ZSCAN16: variants seen among roughly 807,000 people sequenced by gnomAD.
The protein encoded by ZSCAN16 is zinc finger and SCAN domain-containing protein 16.
A neutral mutation model predicts 19.4 loss-of-function variants in ZSCAN16; 15 were observed. That is an observed-to-expected ratio of 0.77 (90% CI 0.52 to 1.19). The LOEUF is 1.19. ZSCAN16 is among the 50% of genes most tolerant of loss of function. The pLI is 0.00. For missense variants in ZSCAN16, 327 were observed against 415.7 expected (o/e 0.79, Z 1.86); for synonymous variants, 138 against 146.5 (o/e 0.94, Z 0.42).
At chr6:28,128,282 A>G (rs1404089353) in intron 3 of ZSCAN16, among the ~76,000 whole-genome samples, 1 of 152,078 alleles carries the variant, frequency 6.6e-6, no homozygotes, top group African/African-American at 2.4e-5. Context: ...GCCTGGCTCA[A>G]CCTGTCTTTT....
Position 28,130,023 on chromosome 6 carries a change from T to C in ZSCAN16, c.*73T>C. On this transcript the variant is annotated 3_prime_UTR_variant, in exon 4 of 4. Transcript: ENST00000340487. ...TATCAAAGAATCTATTTTAGAAACC[T>C]TGAGTTTCCTCAATGTGGTCAAAGC... The C allele has an allele frequency of 1.6e-6, 2 of 1,263,414 alleles. No individual in the cohort carries two copies. The highest frequency in any genetic ancestry group is 1.5e-5 in the African/African-American group (1 of 66,398). The allele number at this position is 1,263,414 out of a possible 1,614,324, so 78.3% of individuals were successfully genotyped here.
rs1192366402 is a variant in ZSCAN16 at position 28,125,965 on chromosome 6, G to A, written c.387+135G>A. ...CATAGGAAGGGACCTGACTACCTAT[G>A]TCAAATAATTAAAGTGTGGCTGGGT... On this transcript the variant is annotated intron_variant, in intron 2 of 3. Coordinates refer to ENST00000340487, the MANE Select transcript of ZSCAN16 (RefSeq NM_025231.3). The surrounding 1 kb of genome is among the most constrained non-coding windows in gnomAD (Gnocchi z 6.2). The A allele has an allele frequency of 3.0e-6, 2 of 677,018 alleles. No individual in the cohort carries two copies. Among genetic ancestry groups the A allele is most frequent in the East Asian group, 2.8e-5 (1 of 36,230 alleles). The allele number at this position is 677,018 out of a possible 1,614,324, so 41.9% of individuals were successfully genotyped here.
intron 3 of ZSCAN16, among the ~76,000 whole-genome samples, chr6:28,128,681 G>C (rs909792923): frequency 6.6e-6 from 1 of 152,190 alleles, no homozygotes; most frequent in Admixed American, 6.5e-5. Flanking sequence ...TCAGCAATGT[G>C]TGTTTTAATA....
In ZSCAN16 at chr6:28,129,628, G is replaced by A. The variant is rs781087677; in HGVS notation, c.725G>A (p.Gly242Glu). 1 of 1,614,160 alleles carries A rather than the reference G, an allele frequency of 6.2e-7. No homozygotes were observed. The highest frequency in any genetic ancestry group is 1.3e-5 in the African/African-American group (1 of 75,044). The change falls in exon 4 of 4, where the codon GGG (glycine) becomes GAG (glutamate). Residue 242 changes from glycine (G) to glutamate (E), a missense_variant. Coordinates refer to ENST00000340487, the MANE Select transcript of ZSCAN16 (RefSeq NM_025231.3). ...ERRRYKCDEC[G>E]KSFSHSSDLS... is the part of the protein sequence containing the mutation. ...AGACGATATAAATGTGATGAATGTG[G>A]GAAAAGTTTCAGTCATAGCTCAGAC...
At chr6:28,128,845 A>G (rs562732446) in intron 3 of ZSCAN16, among the ~76,000 whole-genome samples, 235 of 152,138 alleles carry the variant, frequency 1.5e-3, no homozygotes, top group Admixed American at 3.5e-3. Flanking sequence ...ATTCCTTTTC[A>G]TTCCTCTATT....
intron 3 of ZSCAN16, among the ~76,000 whole-genome samples, chr6:28,127,903 T>C (rs1239148084): frequency 6.6e-6 from 1 of 152,224 alleles, no homozygotes; most frequent in Non-Finnish European, 1.5e-5. Context: ...GCCTATTTTG[T>C]ATTCTTACTA....
At chr6:28,127,670 A>C (rs1764945253) in intron 3 of ZSCAN16, among the ~76,000 whole-genome samples, 1 of 152,164 alleles carries the variant, frequency 6.6e-6, no homozygotes, top group Non-Finnish European at 1.5e-5. Flanking sequence ...AATACAGCAA[A>C]GTTTCTTGTT....
rs374490735 is a variant in ZSCAN16, at chr6:28,126,813, C to T, written c.418C>T (p.Leu140Phe). The change falls in exon 3 of 4, where the codon CTC (leucine) becomes TTC (phenylalanine). Residue 140 changes from leucine (L) to phenylalanine (F), a missense_variant. By Grantham distance (22) the Leu-to-Phe change is conservative (BLOSUM62 0). Coordinates refer to ENST00000340487, the MANE Select transcript of ZSCAN16 (RefSeq NM_025231.3). ...AGGCAATTCAGAAAGACGGGACATA[C>T]TCATGGACAAGTTGGCCCCCTTGGG... Reference protein sequence around the residue: ...VPGNSERRDILMDKLAPLGRP... With the variant: ...VPGNSERRDIFMDKLAPLGRP... 1.9e-6 allele frequency: 3 copies of T among 1,575,110 alleles called. No individual in the cohort carries two copies. In the African/African-American group the frequency reaches 4.1e-5, roughly 21 times the overall value.
rs73398516 is a variant in ZSCAN16, at chr6:28,125,017, T to C, written c.-32+340T>C. On this transcript the variant is annotated intron_variant, in intron 1 of 3. Coordinates refer to ENST00000340487, the MANE Select transcript of ZSCAN16 (RefSeq NM_025231.3). This position sits in a 1 kb window ranked among gnomAD's most constrained non-coding sequence, Gnocchi z 6.2. Reference sequence around the variant, plus strand: ...AGCCTTTTAACAAAGCCGTTAATAATACTTGGCGTTTATTTAGTGCTTACT... The same window carrying C: ...AGCCTTTTAACAAAGCCGTTAATAACACTTGGCGTTTATTTAGTGCTTACT... 0.021 allele frequency among the ~76,000 whole-genome samples: 3,185 copies of C among 152,318 alleles called. 72 individuals are homozygous for C. The highest frequency in any genetic ancestry group is 0.058 in the African/African-American group (2,395 of 41,552).
In ZSCAN16 at chr6:28,125,924, C is replaced by T. The variant is rs1764891656; in HGVS notation, c.387+94C>T. 7.0e-6 allele frequency: 7 copies of T among 1,003,156 alleles called. No individual in the cohort carries two copies. The highest frequency in any genetic ancestry group is 1.0e-5 in the Non-Finnish European group (7 of 694,158). 62.1% of individuals were successfully genotyped at this position (1,003,156 alleles called of 1,614,324 possible). ...TGAAAGAACATCTGAAAATATTTAT[C>T]CTCTAAAGAACAAGGCATAGGAAGG... On this transcript the variant is annotated intron_variant, in intron 2 of 3. Transcript: ENST00000340487. The surrounding 1 kb of genome is among the most constrained non-coding windows in gnomAD (Gnocchi z 6.2).
At chr6:28,126,958 G>A in intron 3 of ZSCAN16, 37 bp downstream of exon 3, 5 of 1,416,190 alleles carry the variant, frequency 3.5e-6, no homozygotes, top group Non-Finnish European at 4.7e-6. Flanking sequence ...GAGGGTAGAG[G>A]TACTTCCTTA....
In ZSCAN16 at chr6:28,130,002, A is replaced by G. The variant is rs1765017918; in HGVS notation, c.*52A>G. On this transcript the variant is annotated 3_prime_UTR_variant, in exon 4 of 4. Coordinates refer to ENST00000340487, the MANE Select transcript of ZSCAN16 (RefSeq NM_025231.3). ...GGACACTCAGGCCTAACTAGTTATCAAAGAATCTATTTTAGAAACCTTGAG... is the reference window on the plus strand; with the variant it reads ...GGACACTCAGGCCTAACTAGTTATCGAAGAATCTATTTTAGAAACCTTGAG... 7.1e-7 allele frequency: 1 copy of G among 1,416,782 alleles called. No individual in the cohort carries two copies. Among genetic ancestry groups the G allele is most frequent in the African/African-American group, 1.4e-5 (1 of 69,548 alleles). The allele number at this position is 1,416,782 out of a possible 1,614,324, so 87.8% of individuals were successfully genotyped here.
chr6:28,125,464 T>C lies in ZSCAN16; in HGVS notation c.21T>C (p.Pro7=). ...CCAGAATGACCACAGCCCTGGAACC[T>C]GAGGACCAAAAAGGACTTCTGATAA... is the stretch of plus-strand genomic sequence containing the variant. The part of the protein sequence containing the change: MTTALE[P]EDQKGLLIIK... Residue 7 remains proline, a synonymous_variant, in exon 2 of 4, where the codon CCT becomes CCC. Coordinates refer to ENST00000340487, the MANE Select transcript of ZSCAN16 (RefSeq NM_025231.3). This position sits in a 1 kb window ranked among gnomAD's most constrained non-coding sequence, Gnocchi z 6.2. The C allele has an allele frequency of 6.2e-7, 1 of 1,613,840 alleles. No individual in the cohort carries two copies. The highest frequency in any genetic ancestry group is 8.5e-7 in the Non-Finnish European group (1 of 1,179,872).
chr6:28,129,104 T>C (rs1178158205), intron 3 of ZSCAN16, among the ~76,000 whole-genome samples: 1 of 152,232 alleles, frequency 6.6e-6, no homozygotes, highest in South Asian at 2.1e-4. Flanking sequence ...GGCATATCTA[T>C]AGTCCCCTCA....
chr6:28,127,039 T>C, intron 3 of ZSCAN16, 118 bp downstream of exon 3: 1 of 930,118 alleles, frequency 1.1e-6, no homozygotes, highest in Non-Finnish European at 1.4e-6. Context: ...CACCTCACTA[T>C]GGACAATTTT....
At chr6:28,126,106 T>C (rs2113709188) in intron 2 of ZSCAN16, among the ~76,000 whole-genome samples, 1 of 152,256 alleles carries the variant, frequency 6.6e-6, no homozygotes, top group East Asian at 1.9e-4. Flanking sequence ...CTGCCATTCA[T>C]AGATACCCAT....
chr6:28,129,059 C>T (rs1764980505), intron 3 of ZSCAN16, among the ~76,000 whole-genome samples: 1 of 152,054 alleles, frequency 6.6e-6, no homozygotes, highest in Non-Finnish European at 1.5e-5. Context: ...TACCTCCCTC[C>T]CCATCTCTGT....
chr6:28,126,964 C>T (rs1437834404), intron 3 of ZSCAN16, 43 bp downstream of exon 3: 9 of 1,385,150 alleles, frequency 6.5e-6, no homozygotes, highest in Non-Finnish European at 7.6e-6. Flanking sequence ...AGAGGTACTT[C>T]CTTAGGTTAG....
rs772559851 is a variant in ZSCAN16, at chr6:28,126,907, A to G, written c.512A>G (p.Lys171Arg). The G allele has an allele frequency of 5.1e-6, 8 of 1,578,540 alleles. No individual in the cohort carries two copies. Among genetic ancestry groups the G allele is most frequent in the Non-Finnish European group, 6.9e-6 (8 of 1,156,802 alleles). ...KKTQLEQEAGKPQRNGDKTRT... is the reference protein window; with the variant it reads ...KKTQLEQEAGRPQRNGDKTRT... ...ACCCAGCTGGAGCAGGAAGCTGGGA[A>G]ACCACAAAGGAATGGTAAGCAGGAA... Residue 171 changes from lysine (K) to arginine (R), a missense_variant, in exon 3 of 4, where the codon AAA becomes AGA. Coordinates refer to ENST00000340487, the MANE Select transcript of ZSCAN16 (RefSeq NM_025231.3).
Sources: gnomAD v4.1 joint callset for allele counts (sites outside exome capture counted in the v4.1 genomes callset) on GRCh38, gnomAD v4.1.1 for gene constraint, Gnocchi (gnomAD v3.1) non-coding constraint, MANE v1.5 for transcripts, NCBI Gene and HGNC (gene_info 2026-07-23, HGNC 2026-07-21) for gene names.